Variants in MNX1 observed in about 807,000 individuals in gnomAD.
The protein encoded by MNX1 is motor neuron and pancreas homeobox protein 1.
A neutral mutation model predicts 17.3 loss-of-function variants in MNX1; 2 were observed. The ratio of observed to expected loss-of-function variants is 0.12; its 90% CI spans 0.05 to 0.36. The LOEUF is 0.36. Ranked by LOEUF, MNX1 falls within the 10% of genes least tolerant of loss-of-function variation. The pLI is 1.00. For synonymous variants in MNX1, 306 were observed against 283.1 expected, an observed-to-expected ratio of 1.08 and a Z score of -0.81; for missense variants, 556 against 564.7, an observed-to-expected ratio of 0.98 and a Z score of 0.16.
In MNX1 at chr7:157,005,476, C is replaced by A. The variant is rs1805573422; in HGVS notation, c.*44G>T. 2 of 1,231,306 alleles carry A rather than the reference C, an allele frequency of 1.6e-6. No homozygotes were observed. Among genetic ancestry groups the A allele is most frequent in the Non-Finnish European group, 2.0e-6 (2 of 987,680 alleles). The allele number at this position is 1,231,306 out of a possible 1,614,324, so 76.3% of individuals were successfully genotyped here. On this transcript the variant is annotated 3_prime_UTR_variant, in exon 3 of 3. Coordinates refer to ENST00000252971, the MANE Select transcript of MNX1 (RefSeq NM_005515.4). ...CGGGGCCTCCGGGAGAAGCCGCCGG[C>A]CGGGGCGCTCCGTGCGCGCCGCACC...
At position 157,006,335 on chromosome 7, in the gene MNX1, G is replaced by C. The variant is rs1024717533; in HGVS notation, c.852+144C>G. 1 of 878,122 alleles carries C rather than the reference G, an allele frequency of 1.1e-6. No individual in the cohort carries two copies. Among genetic ancestry groups the C allele is most frequent in the East Asian group, 2.7e-5 (1 of 37,376 alleles). 54.4% of individuals were successfully genotyped at this position (878,122 alleles called of 1,614,324 possible). ...CGAAGCTACTGAATCGGCGCTCTGG[G>C]CACCTTAGATGAACCCGTGCGCCCG... is the stretch of plus-strand genomic sequence containing the variant. On this transcript the variant is annotated intron_variant, in intron 2 of 2. Transcript: ENST00000252971. This position sits in a 1 kb window ranked among gnomAD's most constrained non-coding sequence, Gnocchi z 6.3.
In MNX1 at chr7:157,010,408, G is replaced by A. The variant is rs1805694541; in HGVS notation, c.-58C>T. The A allele has an allele frequency of 1.4e-6, 2 of 1,443,890 alleles. No homozygotes were observed. The highest frequency in any genetic ancestry group is 2.6e-5 in the East Asian group (1 of 38,960). The allele number at this position is 1,443,890 out of a possible 1,614,324, so 89.4% of individuals were successfully genotyped here. A position where few individuals can be genotyped will look rare whatever the true frequency, so the allele number is the denominator to read the frequency against. On this transcript the variant is annotated 5_prime_UTR_variant, in exon 1 of 3. Transcript: ENST00000252971. ...TGGCGGGCGACGCGGCCGTGTGCGG[G>A]CTCGCGGAGTCAGTGCGTGCGGTGC...
At position 157,009,853 on chromosome 7, in the gene MNX1, G is replaced by A; in HGVS notation, c.498C>T (p.Tyr166=). ...GCGCAGCCGCCGCCGCCGCCGCGGAGTAGCCGTAGACCGGGTGGCCGTAGA... is the reference window on the plus strand; with the variant it reads ...GCGCAGCCGCCGCCGCCGCCGCGGAATAGCCGTAGACCGGGTGGCCGTAGA... ...AALYGHPVYG[Y]SAAAAAAALA... is the part of the protein sequence containing the mutation. Residue 166 remains tyrosine, a synonymous_variant, in exon 1 of 3, where the codon TAC becomes TAT. Coordinates refer to ENST00000252971, the MANE Select transcript of MNX1 (RefSeq NM_005515.4). 2 of 1,509,400 alleles carry A rather than the reference G, an allele frequency of 1.3e-6. No homozygotes were observed. Among genetic ancestry groups the A allele is most frequent in the South Asian group, 1.2e-5 (1 of 81,548 alleles). 93.5% of individuals were successfully genotyped at this position (1,509,400 alleles called of 1,614,324 possible).
At chr7:157,009,231 G>A in intron 1 of MNX1, 2 of 1,433,926 alleles carry the variant, frequency 1.4e-6, no homozygotes, top group South Asian at 1.5e-5. Flanking sequence ...CTCCCTGGAG[G>A]GGCCGCGGGT....
At position 157,010,049 on chromosome 7, in the gene MNX1, C is replaced by CCGCCCG; in HGVS notation, c.296_301dup (p.Ala99_Gly100dup). On this transcript the variant is annotated inframe_insertion, in exon 1 of 3. Transcript: ENST00000252971. ...CCCGCCGCCCGTGCCGCCGCCGCCG[C>CCGCCCG]CGCCCGCGCCCAGGAAGCCCGGCTT... 1.0e-6 allele frequency: 1 copy of CCGCCCG among 998,716 alleles called. No individual in the cohort carries two copies. The highest frequency in any genetic ancestry group is 1.2e-6 in the Non-Finnish European group (1 of 841,012). 61.9% of individuals were successfully genotyped at this position (998,716 alleles called of 1,614,324 possible). A position where few individuals can be genotyped will look rare whatever the true frequency, so the allele number is the denominator to read the frequency against.
At position 157,010,410 on chromosome 7, in the gene MNX1, TCGCGGAGTCAG is replaced by T. The variant is rs1032060116; in HGVS notation, c.-71_-61del. 5.6e-6 allele frequency: 8 copies of T among 1,436,052 alleles called. No homozygotes were observed. In the African/African-American group the frequency reaches 1.2e-4, roughly 21 times the overall value. 89.0% of individuals were successfully genotyped at this position (1,436,052 alleles called of 1,614,324 possible). The stretch of plus-strand genomic sequence containing the variant: ...GCGGGCGACGCGGCCGTGTGCGGGC[TCGCGGAGTCAG>T]TGCGTGCGGTGCAAGCCCGGGGGCT... On this transcript the variant is annotated 5_prime_UTR_variant, in exon 1 of 3. Transcript: ENST00000252971.
chr7:157,009,427 G>A, intron 1 of MNX1: 2 of 1,428,066 alleles, frequency 1.4e-6, no homozygotes, highest in Non-Finnish European at 1.8e-6. Flanking sequence ...GCCCCTTCCC[G>A]TTAAGAGAGG....
At chr7:157,005,909 G>T in intron 2 of MNX1, 36 bp from the exon 3 acceptor site, 1 of 1,605,498 alleles carries the variant, frequency 6.2e-7, no homozygotes. Flanking sequence ...ACCGGCCACC[G>T]CCACCCCAGG....
Position 157,006,188 on chromosome 7 carries a change from G to A in MNX1, c.852+291C>T. 4 of 582,670 alleles carry A rather than the reference G, an allele frequency of 6.9e-6. No homozygotes were observed. In the South Asian group the frequency reaches 8.4e-5, roughly 12 times the overall value. The allele number at this position is 582,670 out of a possible 1,614,324, so 36.1% of individuals were successfully genotyped here. A position where few individuals can be genotyped will look rare whatever the true frequency, so the allele number is the denominator to read the frequency against. The stretch of plus-strand genomic sequence containing the variant: ...AAGGGTCAGGGCAGCTGGCTACGTC[G>A]CGGTAAATCTCAGGATGTTCCCTCC... On this transcript the variant is annotated intron_variant, in intron 2 of 2. Coordinates refer to ENST00000252971, the MANE Select transcript of MNX1 (RefSeq NM_005515.4). The surrounding 1 kb of genome is among the most constrained non-coding windows in gnomAD (Gnocchi z 6.3).
In MNX1 at chr7:157,006,596, G is replaced by A. The variant is rs1331295564; in HGVS notation, c.735C>T (p.Arg245=). The A allele has an allele frequency of 1.2e-6, 2 of 1,603,670 alleles. No individual in the cohort carries two copies. The change falls in exon 2 of 3, where the codon CGC becomes CGT. Residue 245 remains arginine, a synonymous_variant. Transcript: ENST00000252971. The surrounding 1 kb of genome is among the most constrained non-coding windows in gnomAD (Gnocchi z 6.3). ...SNLLGKCRRP[R]TAFTSQQLLE... ...GCAGCTGCTGGCTGGTGAAGGCGGTGCGCGGCCGGCGGCACTTCCCCAGGA... is the reference window on the plus strand; with the variant it reads ...GCAGCTGCTGGCTGGTGAAGGCGGTACGCGGCCGGCGGCACTTCCCCAGGA...
intron 1 of MNX1, among the ~76,000 whole-genome samples, chr7:157,007,324 A>AGAGG (rs1228155374): frequency 6.6e-6 from 1 of 150,824 alleles, no homozygotes; most frequent in African/African-American, 2.4e-5. Context: ...AGAGAGGGAA[A>AGAGG]GAGGGAGGGA....
At chr7:157,007,543 G>C (rs1805628129) in intron 1 of MNX1, 1 of 152,218 alleles carries the variant, frequency 6.6e-6, no homozygotes, top group Non-Finnish European at 1.5e-5. Flanking sequence ...GCCTTTTCAG[G>C]ACAATTCTCA....
At position 157,006,074 on chromosome 7, in the gene MNX1, A is replaced by G. The variant is rs529860627; in HGVS notation, c.853-201T>C. Among the ~76,000 whole-genome samples, 534 of 152,202 alleles carry G rather than the reference A, an allele frequency of 3.5e-3. 1 individual carries two copies. Among genetic ancestry groups the G allele is most frequent in the Non-Finnish European group, 6.5e-3 (442 of 67,996 alleles). ...CCCCCCACTCAGCAGCAAACCCCAGAGCTGGGCTGGAGCTCCGTGGGAGCT... is the reference window on the plus strand; with the variant it reads ...CCCCCCACTCAGCAGCAAACCCCAGGGCTGGGCTGGAGCTCCGTGGGAGCT... On this transcript the variant is annotated intron_variant, in intron 2 of 2. Coordinates refer to ENST00000252971, the MANE Select transcript of MNX1 (RefSeq NM_005515.4). The surrounding 1 kb of genome is among the most constrained non-coding windows in gnomAD (Gnocchi z 6.3).
chr7:157,009,393 G>C, intron 1 of MNX1: 2 of 1,423,950 alleles, frequency 1.4e-6, no homozygotes, highest in South Asian at 3.1e-5. Context: ...TTAATCATTA[G>C]ATCTCAGTCT....
In MNX1 at chr7:157,006,601, G is replaced by C. The variant is rs1288050387; in HGVS notation, c.730C>G (p.Pro244Ala). ...QSNLLGKCRR[P>A]RTAFTSQQLL... ...TGCTGGCTGGTGAAGGCGGTGCGCG[G>C]CCGGCGGCACTTCCCCAGGAGGTTC... Residue 244 changes from proline (P) to alanine (A), a missense_variant, in exon 2 of 3, where the codon CCG (proline) becomes GCG (alanine). By Grantham distance (27) the Pro-to-Ala change is conservative. Coordinates refer to ENST00000252971, the MANE Select transcript of MNX1 (RefSeq NM_005515.4). This position sits in a 1 kb window ranked among gnomAD's most constrained non-coding sequence, Gnocchi z 6.3. The C allele has an allele frequency of 3.1e-6, 5 of 1,602,970 alleles. No homozygotes were observed. Among genetic ancestry groups the C allele is most frequent in the Non-Finnish European group, 4.3e-6 (5 of 1,176,192 alleles).
rs2057873023 is a variant in MNX1, at chr7:157,010,661, G to C, written c.-311C>G. 4.6e-6 allele frequency: 1 copy of C among 216,944 alleles called. No individual in the cohort carries two copies. The highest frequency in any genetic ancestry group is 7.0e-5 in the East Asian group (1 of 14,258). 13.4% of individuals were successfully genotyped at this position (216,944 alleles called of 1,614,324 possible). Reference sequence around the variant, plus strand: ...ACCGCGCGGAGGCCGCTGCCGCCGTGGTGGGGACCCGCGCCCCTCCGCGCA... The same window carrying C: ...ACCGCGCGGAGGCCGCTGCCGCCGTCGTGGGGACCCGCGCCCCTCCGCGCA... On this transcript the variant is annotated 5_prime_UTR_variant, in exon 1 of 3. Transcript: ENST00000252971.
At position 157,008,949 on chromosome 7, in the gene MNX1, G is replaced by A. The variant is rs1170859147; in HGVS notation, c.691+711C>T. On this transcript the variant is annotated intron_variant, in intron 1 of 2. Transcript: ENST00000252971. ...GCCCGAAGCCCAGCGGCTCTGGGGT[G>A]GGGAGAACAGGGGCTCCCTCGGCCC... 2.0e-6 allele frequency: 3 copies of A among 1,522,116 alleles called. No homozygotes were observed. In the South Asian group the frequency reaches 3.6e-5, roughly 18 times the overall value. 94.3% of individuals were successfully genotyped at this position (1,522,116 alleles called of 1,614,324 possible).
In MNX1 at chr7:157,009,926, T is replaced by C. The variant is rs1266802312; in HGVS notation, c.425A>G (p.His142Arg). 3 of 1,162,912 alleles carry C rather than the reference T, an allele frequency of 2.6e-6. No individual in the cohort carries two copies. Among genetic ancestry groups the C allele is most frequent in the Non-Finnish European group, 3.2e-6 (3 of 948,916 alleles). 72.0% of individuals were successfully genotyped at this position (1,162,912 alleles called of 1,614,324 possible). A position where few individuals can be genotyped will look rare whatever the true frequency, so the allele number is the denominator to read the frequency against. The change falls in exon 1 of 3, where the codon CAC becomes CGC. Residue 142 changes from histidine to arginine, a missense_variant. His to Arg is a conservative substitution (Grantham distance 29, BLOSUM62 0). Coordinates refer to ENST00000252971, the MANE Select transcript of MNX1 (RefSeq NM_005515.4). ...AAAGGLALGL[H>R]PGGAQGGAGL... ...CGCGCCGCCCTGCGCGCCCCCAGGGTGCAGCCCCAGCGCCAGGCCCCCAGC... is the reference window on the plus strand; with the variant it reads ...CGCGCCGCCCTGCGCGCCCCCAGGGCGCAGCCCCAGCGCCAGGCCCCCAGC...
Position 157,005,582 on chromosome 7 carries a change from C to T in MNX1, c.1144G>A (p.Asp382Asn), listed in dbSNP as rs2134837822. The T allele has an allele frequency of 1.9e-6, 3 of 1,594,346 alleles. No individual in the cohort carries two copies. Among genetic ancestry groups the T allele is most frequent in the Non-Finnish European group, 2.6e-6 (3 of 1,172,732 alleles). ...GGCGAGTCGTCCTCCGAGGAGCAGT[C>T]GGAGGAGGCGGCGTGGACGCTGGCG... Reference protein sequence around the residue: ...NGASVHAASSDCSSEDDSPPP... With the variant: ...NGASVHAASSNCSSEDDSPPP... The change falls in exon 3 of 3, where the codon GAC becomes AAC. Residue 382 changes from aspartate to asparagine, a missense_variant. Physicochemically the swap from Asp to Asn is conservative, Grantham distance 23. Coordinates refer to ENST00000252971, the MANE Select transcript of MNX1 (RefSeq NM_005515.4).
Sources: allele counts gnomAD v4.1 joint callset (sites outside exome capture counted in the v4.1 genomes callset), GRCh38; gene constraint gnomAD v4.1.1; non-coding constraint Gnocchi (gnomAD v3.1); transcripts MANE v1.5; gene names NCBI Gene and HGNC (gene_info 2026-07-23, HGNC 2026-07-21).